Variants in FGF12 observed in about 807,000 individuals in gnomAD.
FGF12 encodes the protein fibroblast growth factor 12, also known as fibroblast growth factor 12B.
Under a neutral mutation model 23.6 loss-of-function variants are expected in FGF12, and 14 were observed. That is an observed-to-expected ratio of 0.59 (90% CI 0.39 to 0.93). FGF12 has a LOEUF of 0.93. Ranked by LOEUF, FGF12 falls within the 40% of genes least tolerant of loss-of-function variation. FGF12 has a pLI of 0.00. For missense variants in FGF12, 175 were observed against 217.8 expected (o/e 0.80, Z 1.24); for synonymous variants, 62 against 77.3 (o/e 0.80, Z 1.04).
At chr3:192,465,063 C>A (rs927174385) in intron 2 of FGF12, among the ~76,000 whole-genome samples, 2 of 152,104 alleles carry the variant, frequency 1.3e-5, no homozygotes, top group African/African-American at 4.8e-5. Context: ...AATGATATTT[C>A]TGTGGGTGTA....
intron 2 of FGF12, among the ~76,000 whole-genome samples, chr3:192,652,154 T>TGG (rs1716235881): frequency 1.3e-5 from 2 of 152,190 alleles, no homozygotes; most frequent in African/African-American, 4.8e-5. Flanking sequence ...ATAAAACGAA[T>TGG]TGTATGCCAT....
chr3:192,247,503 AT>A (rs1711702944), intron 4 of FGF12, among the ~76,000 whole-genome samples: 2 of 152,196 alleles, frequency 1.3e-5, no homozygotes, highest in African/African-American at 4.8e-5. Flanking sequence ...GCCAACTTGC[AT>A]TCTGTCAAAA....
chr3:192,445,826 A>G (rs1384000371), intron 2 of FGF12, among the ~76,000 whole-genome samples: 2 of 152,296 alleles, frequency 1.3e-5, no homozygotes, highest in Admixed American at 1.3e-4. Context: ...CACCTTCCCT[A>G]AAGTGGCAGA....
At chr3:192,429,812 G>A (rs191158794) in intron 2 of FGF12, among the ~76,000 whole-genome samples, 2 of 152,100 alleles carry the variant, frequency 1.3e-5, no homozygotes, top group East Asian at 1.9e-4. Context: ...TGCAGCTGGT[G>A]TATTTTGCTA....
At chr3:192,236,386 T>C (rs1478347875) in intron 4 of FGF12, among the ~76,000 whole-genome samples, 1 of 152,172 alleles carries the variant, frequency 6.6e-6, no homozygotes, top group Non-Finnish European at 1.5e-5. Flanking sequence ...ATTTGATAAG[T>C]GTGGAGTTTA....
intron 2 of FGF12, among the ~76,000 whole-genome samples, chr3:192,660,604 C>T (rs1246159790): frequency 6.6e-6 from 1 of 151,698 alleles, no homozygotes; most frequent in Non-Finnish European, 1.5e-5. Context: ...CCATTGTATA[C>T]TCTGTTTTTG....
chr3:192,644,001 T>G (rs1025991572), intron 2 of FGF12, among the ~76,000 whole-genome samples: 9 of 152,150 alleles, frequency 5.9e-5, no homozygotes, highest in African/African-American at 2.2e-4. Flanking sequence ...TAAAGGACCT[T>G]CTAGGCTGAA....
At chr3:192,326,994 T>C (rs752087771) in intron 4 of FGF12, among the ~76,000 whole-genome samples, 37 of 152,186 alleles carry the variant, frequency 2.4e-4, no homozygotes, top group Non-Finnish European at 4.6e-4. Flanking sequence ...GGAAAGGTTT[T>C]ATTGCACATA....
chr3:192,360,519 A>T lies in FGF12; in HGVS notation c.33T>A (p.Ile11=), dbSNP rs757012064. 2 of 1,613,756 alleles carry T rather than the reference A, an allele frequency of 1.2e-6. No homozygotes were observed. The highest frequency in any genetic ancestry group is 8.5e-7 in the Non-Finnish European group (1 of 1,179,686). The change falls in exon 3 of 6, where the codon ATT becomes ATA. Residue 11 remains isoleucine, a synonymous_variant. Transcript: ENST00000445105. This position sits in a 1 kb window ranked among gnomAD's most constrained non-coding sequence, Gnocchi z 4.3. The part of the protein sequence containing the change: MESKEPQLKG[I]VTRLFSQQGY... ...CCTGCTGGCTGAATAACCTTGTCACAATCCCTTTGAGCTGGGGTTCTGCAA... is the reference window on the plus strand; with the variant it reads ...CCTGCTGGCTGAATAACCTTGTCACTATCCCTTTGAGCTGGGGTTCTGCAA...
At chr3:192,600,718 A>G (rs193048746) in intron 2 of FGF12, among the ~76,000 whole-genome samples, 168 of 152,260 alleles carry the variant, frequency 1.1e-3, no homozygotes, top group African/African-American at 4.0e-3. Context: ...ACTAATCAAC[A>G]GGGAAATGCA....
chr3:192,561,013 A>C (rs1711995597), intron 2 of FGF12, among the ~76,000 whole-genome samples: 1 of 152,336 alleles, frequency 6.6e-6, no homozygotes, highest in South Asian at 2.1e-4. Flanking sequence ...GCAAACCTTG[A>C]AAACATTATG....
At chr3:192,370,619 A>G (rs1442707167) in intron 2 of FGF12, among the ~76,000 whole-genome samples, 1 of 152,208 alleles carries the variant, frequency 6.6e-6, no homozygotes, top group African/African-American at 2.4e-5. Context: ...CAATGCATTA[A>G]GCAATGGGAA....
intron 2 of FGF12, among the ~76,000 whole-genome samples, chr3:192,462,954 G>C (rs1333436771): frequency 6.6e-6 from 1 of 152,176 alleles, no homozygotes; most frequent in East Asian, 1.9e-4. Flanking sequence ...GATGTACGAA[G>C]AGTTTGTGGG....
intron 4 of FGF12, chr3:192,265,316 C>T (rs1713013119): frequency 6.6e-6 from 1 of 152,098 alleles, no homozygotes; most frequent in African/African-American, 2.4e-5. Context: ...TCACTGGTCA[C>T]TCAAACTGCA....
chr3:192,265,260 G>C (rs531170823), intron 4 of FGF12: 1 of 152,210 alleles, frequency 6.6e-6, no homozygotes, highest in African/African-American at 2.4e-5. Flanking sequence ...ATGCATCTGT[G>C]TAAGAGGTAG....
At chr3:192,504,096 C>T (rs543462257) in intron 2 of FGF12, among the ~76,000 whole-genome samples, 20 of 151,986 alleles carry the variant, frequency 1.3e-4, no homozygotes, top group Admixed American at 2.6e-4. Context: ...GAACAGAAAA[C>T]CAGATACTGC....
intron 2 of FGF12, among the ~76,000 whole-genome samples, chr3:192,365,688 G>T (rs76278189): frequency 0.01 from 1,547 of 152,162 alleles, 33 homozygotes; most frequent in African/African-American, 0.036. Context: ...ATGGGACCTC[G>T]GGTTCAATAC....
At chr3:192,397,206 A>G (rs1720561836) in intron 2 of FGF12, among the ~76,000 whole-genome samples, 1 of 152,206 alleles carries the variant, frequency 6.6e-6, no homozygotes, top group African/African-American at 2.4e-5. Flanking sequence ...GAGCTGCAGA[A>G]TGTGGAGGCG....
intron 4 of FGF12, among the ~76,000 whole-genome samples, chr3:192,313,511 C>T (rs77462049): frequency 0.038 from 5,710 of 152,262 alleles, 344 homozygotes; most frequent in African/African-American, 0.13. Context: ...GCCCTTGCTA[C>T]AGAAATTTTA....
Sources: allele counts gnomAD v4.1 joint callset (sites outside exome capture counted in the v4.1 genomes callset), GRCh38; gene constraint gnomAD v4.1.1; non-coding constraint Gnocchi (gnomAD v3.1); transcripts MANE v1.5; gene names NCBI Gene and HGNC (gene_info 2026-07-23, HGNC 2026-07-21).